SHB: variants seen among roughly 807,000 people sequenced by gnomAD.
The protein encoded by SHB is SH2 domain-containing adapter protein B.
Under a neutral mutation model 52.3 loss-of-function variants are expected in SHB, and 20 were observed. That is an observed-to-expected ratio of 0.38 (90% CI 0.27 to 0.56). The LOEUF (loss-of-function observed/expected upper bound fraction) is 0.56. SHB is among the 20% of genes least tolerant of loss of function. The probability of loss-of-function intolerance (pLI) is 0.71; values close to 1 mark genes in which losing one functional copy is unlikely to be tolerated. For synonymous variants in SHB, 397 were observed against 316.5 expected, an observed-to-expected ratio of 1.25 and a Z score of -2.70; for missense variants, 825 against 723.3, an observed-to-expected ratio of 1.14 and a Z score of -1.61.
At chr9:38,036,368 T>C (rs1821487661) in intron 1 of SHB, among the ~76,000 whole-genome samples, 2 of 152,244 alleles carry the variant, frequency 1.3e-5, no homozygotes, top group African/African-American at 2.4e-5. Flanking sequence ...AAGTTAGGGC[T>C]GTAAAAACTG....
chr9:37,962,552 G>C (rs1832704648), intron 3 of SHB, among the ~76,000 whole-genome samples: 1 of 151,706 alleles, frequency 6.6e-6, no homozygotes, highest in Non-Finnish European at 1.5e-5. Context: ...TGTCGCTCAG[G>C]CTGGAGTGCA....
rs1053722308 is a variant in SHB at position 38,046,140 on chromosome 9, T to A, written c.717+21789A>T. Among the ~76,000 whole-genome samples, 8 of 151,066 alleles carry A rather than the reference T, an allele frequency of 5.3e-5. No individual in the cohort carries two copies. In the South Asian group the frequency reaches 1.7e-3, roughly 32 times the overall value. ...TATTCAGGAGGCTGAGGTGGGAGAA[T>A]CGCTCAAAACCGGGAGGCGGAAGTT... is the stretch of plus-strand genomic sequence containing the variant. On this transcript the variant is annotated intron_variant, in intron 1 of 5. Transcript: ENST00000377707.
At chr9:37,987,493 G>A (rs375949762) in intron 2 of SHB, among the ~76,000 whole-genome samples, 26 of 152,276 alleles carry the variant, frequency 1.7e-4, no homozygotes, top group African/African-American at 6.0e-4. Context: ...AAAAGAACAC[G>A]GACACATTCA....
intron 1 of SHB, among the ~76,000 whole-genome samples, chr9:38,050,586 A>T (rs530898553): frequency 2.0e-5 from 3 of 152,326 alleles, no homozygotes; most frequent in Admixed American, 6.5e-5. Context: ...TCACAGATCT[A>T]AAGTCCCTTC....
intron 1 of SHB, among the ~76,000 whole-genome samples, chr9:38,056,357 A>T (rs1165843951): frequency 6.6e-6 from 1 of 152,154 alleles, no homozygotes; most frequent in East Asian, 1.9e-4. Context: ...TTTGAGACAG[A>T]GTCTTGCTCT....
intron 3 of SHB, among the ~76,000 whole-genome samples, chr9:37,971,970 A>G (rs1396483024): frequency 6.6e-6 from 1 of 152,194 alleles, no homozygotes; most frequent in Non-Finnish European, 1.5e-5. Flanking sequence ...ATTCTGACTC[A>G]TAGGCCTGGG....
At chr9:37,949,054 G>A (rs1410553315) in intron 4 of SHB, among the ~76,000 whole-genome samples, 1 of 152,208 alleles carries the variant, frequency 6.6e-6, no homozygotes, top group African/African-American at 2.4e-5. Context: ...AAGTGGCATA[G>A]GCTCATGGAG....
rs1394282195 is a variant in SHB at position 37,976,882 on chromosome 9, C to G, written c.839-2045G>C. ...AAAACACACACAAATGACATCAGCC[C>G]TTCCGAGAAAGAGAGCTGCTTTCAG... On this transcript the variant is annotated intron_variant, in intron 2 of 5. Transcript: ENST00000377707. Among the ~76,000 whole-genome samples the G allele has an allele frequency of 2.0e-5, 3 of 152,190 alleles. No homozygotes were observed. In the South Asian group the frequency reaches 6.2e-4, roughly 32 times the overall value.
chr9:38,027,535 T>TG (rs1821359392), intron 1 of SHB, among the ~76,000 whole-genome samples: 1 of 151,700 alleles, frequency 6.6e-6, no homozygotes, highest in Admixed American at 6.6e-5. Context: ...GTGGTTGATC[T>TG]GGGAGGAGAC....
intron 5 of SHB, among the ~76,000 whole-genome samples, chr9:37,926,318 A>G (rs554044246): frequency 1.3e-5 from 2 of 151,720 alleles, no homozygotes; most frequent in Non-Finnish European, 2.9e-5. Flanking sequence ...TGCTAGGTCT[A>G]TGCCTCTAAA....
intron 1 of SHB, among the ~76,000 whole-genome samples, chr9:38,037,599 T>C (rs112737976): frequency 3.8e-3 from 575 of 152,260 alleles, no homozygotes; most frequent in African/African-American, 0.013. Flanking sequence ...AAAGTGGGGA[T>C]AGTAACAGAA....
intron 5 of SHB, among the ~76,000 whole-genome samples, chr9:37,946,078 ACTGT>A (rs1444676709): frequency 1.3e-5 from 2 of 152,142 alleles, no homozygotes; most frequent in African/African-American, 2.4e-5. Flanking sequence ...GGCTGGGAAC[ACTGT>A]CTGTCAGCAG....
At chr9:37,943,066 G>C (rs757391545) in intron 5 of SHB, among the ~76,000 whole-genome samples, 2 of 152,128 alleles carry the variant, frequency 1.3e-5, no homozygotes, top group African/African-American at 2.4e-5. Context: ...GTAAAGCCCC[G>C]ACCCCTCCAC....
chr9:37,995,945 T>C (rs947070687), intron 2 of SHB, among the ~76,000 whole-genome samples: 4 of 152,202 alleles, frequency 2.6e-5, no homozygotes, highest in Non-Finnish European at 5.9e-5. Context: ...AACAATTCTA[T>C]ACAATAGGTC....
At chr9:38,056,395 A>G (rs1222015109) in intron 1 of SHB, among the ~76,000 whole-genome samples, 2 of 152,186 alleles carry the variant, frequency 1.3e-5, no homozygotes, top group Non-Finnish European at 2.9e-5. Context: ...ACACTGGCGC[A>G]ATCTCAGTTC....
intron 2 of SHB, among the ~76,000 whole-genome samples, chr9:38,008,257 G>C (rs537046168): frequency 7.1e-4 from 108 of 152,326 alleles, no homozygotes; most frequent in South Asian, 2.9e-3. Flanking sequence ...GAGAGAATAG[G>C]AAGTGGCTCC....
intron 3 of SHB, among the ~76,000 whole-genome samples, chr9:37,958,259 C>T (rs1367108338): frequency 6.6e-6 from 1 of 151,492 alleles, no homozygotes; most frequent in Non-Finnish European, 1.5e-5. Context: ...CCACATTCTG[C>T]AGGCAGAGAT....
chr9:38,058,742 T>C (rs566405608), intron 1 of SHB, among the ~76,000 whole-genome samples: 20 of 152,164 alleles, frequency 1.3e-4, no homozygotes, highest in Non-Finnish European at 2.1e-4. Flanking sequence ...CTCAGTCATA[T>C]AGATCTCTGC....
chr9:37,930,381 C>T (rs1213815813), intron 5 of SHB, among the ~76,000 whole-genome samples: 1 of 151,534 alleles, frequency 6.6e-6, no homozygotes, highest in Non-Finnish European at 1.5e-5. Context: ...CTAGAGTCTG[C>T]AGTAATGGGG....
Sources: gnomAD v4.1 joint callset for allele counts (sites outside exome capture counted in the v4.1 genomes callset) on GRCh38, gnomAD v4.1.1 for gene constraint, MANE v1.5 for transcripts, NCBI Gene and HGNC (gene_info 2026-07-23, HGNC 2026-07-21) for gene names.